JMY: variants seen among roughly 807,000 people sequenced by gnomAD.
The protein encoded by JMY is junction mediating and regulatory protein, p53 cofactor.
JMY carries 46 observed loss-of-function variants against 103.3 expected under a neutral mutation model. The ratio of observed to expected loss-of-function variants is 0.45; its 90% CI spans 0.35 to 0.57. The LOEUF is 0.57. Among genes scored for constraint, JMY ranks in the 20% least tolerant of loss-of-function variants. The pLI, the probability that JMY is intolerant of heterozygous loss-of-function variation, is 0.00. For missense variants in JMY, 1,238 were observed against 1,255.2 expected (o/e 0.99, Z 0.21); for synonymous variants, 526 against 489.3 (o/e 1.07, Z -0.99).
At chr5:79,285,078 A>G (rs1746228996) in intron 2 of JMY, among the ~76,000 whole-genome samples, 1 of 152,136 alleles carries the variant, frequency 6.6e-6, no homozygotes. Flanking sequence ...CTTCAGACAG[A>G]TTGTCCAACT....
At chr5:79,318,386 AAATGT>A (rs996456789) in intron 10 of JMY, among the ~76,000 whole-genome samples, 12 of 152,230 alleles carry the variant, frequency 7.9e-5, no homozygotes, top group East Asian at 3.9e-4. Context: ...CATAATATAA[AAATGT>A]AATGTATGTC....
chr5:79,277,832 G>A (rs2112084926), intron 1 of JMY, 78 bp from the exon 2 acceptor site: 1 of 1,344,634 alleles, frequency 7.4e-7, no homozygotes, highest in South Asian at 1.5e-5. Context: ...GTCCTGGCAT[G>A]ATAGGGAGAG....
At position 79,236,720 on chromosome 5, in the gene JMY, C is replaced by G; in HGVS notation, c.70C>G (p.Arg24Gly). Residue 24 changes from arginine (R) to glycine (G), a missense_variant, in exon 1 of 11, where the codon CGC becomes GGC. By Grantham distance (125) the Arg-to-Gly change is moderately radical (BLOSUM62 -2). Transcript: ENST00000396137. The stretch of plus-strand genomic sequence containing the variant: ...TGTGCGGCCCCATGTGTTCGACGAG[C>G]GCGAGAAACACAAATTCGTCTTTAT... ...VAVRPHVFDE[R>G]EKHKFVFIVA... The G allele has an allele frequency of 2.7e-6, 4 of 1,502,226 alleles. No individual in the cohort carries two copies. The highest frequency in any genetic ancestry group is 3.6e-6 in the Non-Finnish European group (4 of 1,122,916). The allele number at this position is 1,502,226 out of a possible 1,614,324, so 93.1% of individuals were successfully genotyped here.
chr5:79,297,703 C>G (rs1746604329), intron 4 of JMY, among the ~76,000 whole-genome samples: 1 of 152,174 alleles, frequency 6.6e-6, no homozygotes, highest in Admixed American at 6.5e-5. Context: ...CAAAGTCCAC[C>G]ACTGACCTAT....
chr5:79,282,496 A>G (rs1294493514), intron 2 of JMY, among the ~76,000 whole-genome samples: 1 of 152,232 alleles, frequency 6.6e-6, no homozygotes, highest in East Asian at 1.9e-4. Context: ...GTACACACTT[A>G]TATAAGAAGC....
chr5:79,267,866 G>C (rs1379906434), intron 1 of JMY, among the ~76,000 whole-genome samples: 1 of 152,212 alleles, frequency 6.6e-6, no homozygotes, highest in East Asian at 1.9e-4. Context: ...TTTTTGTGTA[G>C]ATAAAAGTTT....
chr5:79,238,648 CT>C (rs1055172051), intron 1 of JMY, among the ~76,000 whole-genome samples: 310 of 120,654 alleles, frequency 2.6e-3, no homozygotes, highest in Middle Eastern at 5.5e-3. Flanking sequence ...TCCGCGCCTT[CT>C]TTTTTTTTTT....
Position 79,299,164 on chromosome 5 carries a change from C to T in JMY, c.1528-989C>T, listed in dbSNP as rs539235499. 3.3e-5 allele frequency among the ~76,000 whole-genome samples: 5 copies of T among 152,306 alleles called. No homozygotes were observed. The East Asian group carries it at 9.7e-4, about 29-fold the overall frequency. On this transcript the variant is annotated intron_variant, in intron 4 of 10. Transcript: ENST00000396137. ...GGGCTCCTCACTATTGCTCCTTTGG[C>T]TCTGAGGGCACACTGATGCCCGTAT...
chr5:79,296,670 T>G (rs1746572376), intron 4 of JMY, among the ~76,000 whole-genome samples: 1 of 152,176 alleles, frequency 6.6e-6, no homozygotes, highest in Admixed American at 6.5e-5. Context: ...GAACCCTCAT[T>G]TCATTTCTTG....
rs183581197 is a variant in JMY, at chr5:79,259,761, G to A, written c.1033-18149G>A. Among the ~76,000 whole-genome samples, 47 of 152,344 alleles carry A rather than the reference G, an allele frequency of 3.1e-4. 1 individual carries two copies. The highest frequency in any genetic ancestry group is 2.6e-3 in the Admixed American group (40 of 15,300). ...ACTTTGCCTTGTGAGTGGAACAGGC[G>A]CTGATATTGAGGAAAGTCCAGGCAG... On this transcript the variant is annotated intron_variant, in intron 1 of 10. Transcript: ENST00000396137.
At chr5:79,280,936 C>CT (rs2112088284) in intron 2 of JMY, among the ~76,000 whole-genome samples, 1 of 135,690 alleles carries the variant, frequency 7.4e-6, no homozygotes. Flanking sequence ...TCTGGAGGAG[C>CT]TAAAAAAAAA....
At chr5:79,284,944 A>T in intron 2 of JMY, 1 of 1,449,450 alleles carries the variant, frequency 6.9e-7, no homozygotes, top group Non-Finnish European at 9.5e-7. Flanking sequence ...GCCAAAAGGA[A>T]GTTACTTTCA....
intron 8 of JMY, among the ~76,000 whole-genome samples, 157 bp from the exon 9 acceptor site, chr5:79,314,100 C>A (rs1029458111): frequency 3.3e-5 from 5 of 152,220 alleles, no homozygotes; most frequent in African/African-American, 1.2e-4. Flanking sequence ...CTCAGGTGAT[C>A]CACCCGCCTC....
chr5:79,310,182 C>T (rs947539304), intron 7 of JMY, among the ~76,000 whole-genome samples: 3 of 150,954 alleles, frequency 2.0e-5, no homozygotes, highest in Non-Finnish European at 1.5e-5. Context: ...CCTGCCTCAG[C>T]CTCCCATGTA....
intron 2 of JMY, among the ~76,000 whole-genome samples, chr5:79,280,538 AATGCCCC>A (rs1746075104): frequency 6.6e-6 from 1 of 152,184 alleles, no homozygotes; most frequent in African/African-American, 2.4e-5. Context: ...ACATTGAGAA[AATGCCCC>A]ATCAATCATG....
In JMY at chr5:79,278,877, C is replaced by T. The variant is rs531694726; in HGVS notation, c.1206+794C>T. Reference sequence around the variant, plus strand: ...CTCCTGGGCTCAAGCGATTTGCCCACCTCGGCCTCCCGAAGTTCTGGGACT... The same window carrying T: ...CTCCTGGGCTCAAGCGATTTGCCCATCTCGGCCTCCCGAAGTTCTGGGACT... On this transcript the variant is annotated intron_variant, in intron 2 of 10. Transcript: ENST00000396137. Among the ~76,000 whole-genome samples the T allele has an allele frequency of 2.0e-5, 3 of 151,652 alleles. No individual in the cohort carries two copies. In the East Asian group the frequency reaches 5.8e-4, roughly 29 times the overall value.
intron 4 of JMY, among the ~76,000 whole-genome samples, chr5:79,297,945 C>T (rs1223946378): frequency 2.6e-5 from 4 of 152,152 alleles, no homozygotes; most frequent in Non-Finnish European, 5.9e-5. Flanking sequence ...GGTAGCACTG[C>T]GCTTCTCAAG....
intron 1 of JMY, among the ~76,000 whole-genome samples, chr5:79,241,172 TG>T (rs1273875276): frequency 1.3e-5 from 2 of 152,212 alleles, no homozygotes; most frequent in African/African-American, 4.8e-5. Flanking sequence ...AACTTTTTTT[TG>T]TTTGTTTTTA....
chr5:79,252,600 C>T (rs766466647), intron 1 of JMY, among the ~76,000 whole-genome samples: 59 of 152,122 alleles, frequency 3.9e-4, no homozygotes, highest in Non-Finnish European at 7.1e-4. Flanking sequence ...AGGCCTCTCT[C>T]TCTTTAGCTC....
Sources: gnomAD v4.1 joint callset for allele counts (sites outside exome capture counted in the v4.1 genomes callset) on GRCh38, gnomAD v4.1.1 for gene constraint, MANE v1.5 for transcripts, NCBI Gene and HGNC (gene_info 2026-07-23, HGNC 2026-07-21) for gene names.